The following PLD3 variants were observed in gnomAD, a reference collection of about 807,000 sequenced individuals.
PLD3 encodes phospholipase D family member 3.
A neutral mutation model predicts 58.4 loss-of-function variants in PLD3; 31 were observed. That is an observed-to-expected ratio of 0.53 (90% CI 0.40 to 0.72). The LOEUF (loss-of-function observed/expected upper bound fraction) is 0.72, where lower values mean the gene tolerates loss of function less well. Ranked by LOEUF, PLD3 falls within the 30% of genes least tolerant of loss-of-function variation. The pLI, the probability that PLD3 is intolerant of heterozygous loss-of-function variation, is 0.00. For missense variants in PLD3, 595 were observed against 659.8 expected (o/e 0.90, Z 1.08); for synonymous variants, 264 against 273.4 (o/e 0.97, Z 0.34).
At chr19:40,376,817 A>C (rs1215912475) in intron 11 of PLD3, 43 bp downstream of exon 11, 2 of 1,554,338 alleles carry the variant, frequency 1.3e-6, no homozygotes, top group Non-Finnish European at 1.7e-6. Context: ...TGTGTGGGGC[A>C]GTCCTAGGGA....
chr19:40,351,145 C>A (rs947703892), intron 1 of PLD3, among the ~76,000 whole-genome samples: 1 of 151,654 alleles, frequency 6.6e-6, no homozygotes, highest in South Asian at 2.1e-4. Context: ...GTGGGGGGAT[C>A]GCTTGAGCCT....
intron 1 of PLD3, among the ~76,000 whole-genome samples, chr19:40,352,354 C>T (rs1419546585): frequency 2.6e-5 from 4 of 152,118 alleles, no homozygotes; most frequent in Admixed American, 2.0e-4. Flanking sequence ...GGCGCCACCA[C>T]GGGGTTCAGC....
intron 10 of PLD3, among the ~76,000 whole-genome samples, chr19:40,375,189 C>T (rs1287460395): frequency 6.6e-6 from 1 of 151,048 alleles, no homozygotes; most frequent in Non-Finnish European, 1.5e-5. Flanking sequence ...AGAGAAGGCT[C>T]AGAATATTGG....
At chr19:40,367,270 A>T (rs7258644) in intron 5 of PLD3, 25,619 of 259,700 alleles carry the variant, frequency 0.099, 1,576 homozygotes, top group African/African-American at 0.19. Flanking sequence ...AATTTTTTTT[A>T]AAAGAAAAGA....
At position 40,378,337 on chromosome 19, in the gene PLD3, C is replaced by T. The variant is rs781603697; in HGVS notation, c.*164C>T. The T allele has an allele frequency of 4.9e-5, 36 of 741,064 alleles. No homozygotes were observed. The highest frequency in any genetic ancestry group is 8.7e-5 in the South Asian group (6 of 69,018). 45.9% of individuals were successfully genotyped at this position (741,064 alleles called of 1,614,324 possible). On this transcript the variant is annotated 3_prime_UTR_variant, in exon 13 of 13. Transcript: ENST00000409735. ...TCTACCTCCACCCCCACCGGCCTGA[C>T]GCTGTGGCCCCGGGACCCAGCAGAG... is the stretch of plus-strand genomic sequence containing the variant.
At chr19:40,361,795 C>A (rs544342618) in intron 1 of PLD3, among the ~76,000 whole-genome samples, 1 of 150,682 alleles carries the variant, frequency 6.6e-6, no homozygotes, top group East Asian at 2.0e-4. Context: ...ATGGCACTTA[C>A]TACCTTCTAA....
chr19:40,353,401 G>T (rs2078567849), intron 1 of PLD3, among the ~76,000 whole-genome samples: 1 of 152,072 alleles, frequency 6.6e-6, no homozygotes, highest in Non-Finnish European at 1.5e-5. Context: ...CTGCACTCCA[G>T]TCTTGGTGAC....
chr19:40,376,432 G>A, intron 10 of PLD3, 177 bp from the exon 11 acceptor site: 2 of 583,002 alleles, frequency 3.4e-6, no homozygotes, highest in Admixed American at 2.9e-5. Context: ...CAGCCAGGAA[G>A]AGGAAATAGG....
chr19:40,351,197 C>T (rs116699230), intron 1 of PLD3, among the ~76,000 whole-genome samples: 1 of 151,840 alleles, frequency 6.6e-6, no homozygotes, highest in African/African-American at 2.4e-5. Context: ...TGCCAATACA[C>T]TCCAGCCTGG....
chr19:40,355,098 CA>C (rs2078622424), intron 1 of PLD3, among the ~76,000 whole-genome samples: 1 of 152,074 alleles, frequency 6.6e-6, no homozygotes, highest in Non-Finnish European at 1.5e-5. Flanking sequence ...CTCGGCCTCC[CA>C]AAGTGCTGGG....
In PLD3 at chr19:40,378,161, C is replaced by G. The variant is rs2079291639; in HGVS notation, c.1461C>G (p.Cys487Trp). ...DTSADSVGNA[C>W]RLL ...CAGCTGACAGCGTGGGCAACGCCTG[C>G]CGCCTGCTCTGAGGCCCGATCCAGT... Residue 487 changes from cysteine to tryptophan, a missense_variant, in exon 13 of 13, where the codon TGC becomes TGG. Physicochemically the swap from Cys to Trp is radical, Grantham distance 215 (BLOSUM62 -2). Transcript: ENST00000409735. 6.2e-7 allele frequency: 1 copy of G among 1,608,612 alleles called. No homozygotes were observed. The highest frequency in any genetic ancestry group is 1.1e-5 in the South Asian group (1 of 90,482).
intron 1 of PLD3, among the ~76,000 whole-genome samples, chr19:40,353,400 A>G (rs1233640953): frequency 2.0e-5 from 3 of 152,218 alleles, no homozygotes; most frequent in Non-Finnish European, 4.4e-5. Flanking sequence ...ACTGCACTCC[A>G]GTCTTGGTGA....
At chr19:40,371,430 A>G in intron 8 of PLD3, 1 of 528,484 alleles carries the variant, frequency 1.9e-6, no homozygotes, top group Non-Finnish European at 3.4e-6. Context: ...GAATGAGTAG[A>G]AGCTAGCTCA....
chr19:40,355,813 T>C (rs1324505501), intron 1 of PLD3: 2 of 152,008 alleles, frequency 1.3e-5, no homozygotes, highest in Non-Finnish European at 2.9e-5. Context: ...GTCATAGGTC[T>C]CCCAGTCAAA....
At chr19:40,354,307 C>T (rs947199492) in intron 1 of PLD3, among the ~76,000 whole-genome samples, 2 of 151,736 alleles carry the variant, frequency 1.3e-5, no homozygotes, top group East Asian at 1.9e-4. Context: ...CTCCTGACCT[C>T]GTGATCTGAC....
chr19:40,376,301 G>A (rs967030575), intron 10 of PLD3: 5 of 292,276 alleles, frequency 1.7e-5, no homozygotes, highest in Non-Finnish European at 3.2e-5. Context: ...GTTGCAGTGA[G>A]CCGAGATTGT....
At chr19:40,361,007 C>T (rs148093182) in intron 1 of PLD3, among the ~76,000 whole-genome samples, 19 of 152,294 alleles carry the variant, frequency 1.2e-4, no homozygotes, top group African/African-American at 3.9e-4. Context: ...TGAAGCCCAG[C>T]GAAGTGGCTC....
At position 40,367,653 on chromosome 19, in the gene PLD3, G is replaced by C. The variant is rs764300825; in HGVS notation, c.246-43G>C. 1.2e-5 allele frequency: 19 copies of C among 1,548,044 alleles called. No individual in the cohort carries two copies. In the South Asian group the frequency reaches 1.6e-4, roughly 13 times the overall value. Reference sequence around the variant, plus strand: ...GCTGAGCACTCACCTCCCAGCCCTTGCTCTCCGGCACCGTATGGCTGATAG... The same window carrying C: ...GCTGAGCACTCACCTCCCAGCCCTTCCTCTCCGGCACCGTATGGCTGATAG... On this transcript the variant is annotated intron_variant, in intron 5 of 12. Transcript: ENST00000409735.
At chr19:40,362,261 C>T (rs988533807) in intron 1 of PLD3, among the ~76,000 whole-genome samples, 4 of 152,186 alleles carry the variant, frequency 2.6e-5, no homozygotes, top group Admixed American at 1.3e-4. Context: ...CTATTGTTAC[C>T]ATGCCCATTT....
Sources: gnomAD v4.1 joint callset for allele counts (sites outside exome capture counted in the v4.1 genomes callset) on GRCh38, gnomAD v4.1.1 for gene constraint, MANE v1.5 for transcripts, NCBI Gene and HGNC (gene_info 2026-07-23, HGNC 2026-07-21) for gene names.